Variants in IP6K3 observed in about 807,000 individuals in gnomAD.
IP6K3 encodes the protein inositol hexakisphosphate kinase 3.
IP6K3 carries 20 observed loss-of-function variants against 28.8 expected under a neutral mutation model. The ratio of observed to expected loss-of-function variants is 0.70; its 90% CI spans 0.49 to 1.01. The LOEUF (loss-of-function observed/expected upper bound fraction) is 1.01. IP6K3 is among the 50% of genes least tolerant of loss of function. The probability of loss-of-function intolerance (pLI) is 0.00; values close to 1 mark genes in which losing one functional copy is unlikely to be tolerated. For missense variants in IP6K3, 480 were observed against 537.1 expected, an observed-to-expected ratio of 0.89 and a Z score of 1.05; for synonymous variants, 213 against 221.3, an observed-to-expected ratio of 0.96 and a Z score of 0.33.
In IP6K3 at chr6:33,723,174, T is replaced by A; in HGVS notation, c.779A>T (p.Asp260Val). The change falls in exon 6 of 6, where the codon GAT becomes GTT. Residue 260 changes from aspartate (D) to valine (V), a missense_variant. Asp to Val is a radical substitution (Grantham distance 152). Coordinates refer to ENST00000293756, the MANE Select transcript of IP6K3 (RefSeq NM_054111.5). Reference protein sequence around the residue: ...RICGMQVYQTDKKYFLCKDKY... With the variant: ...RICGMQVYQTVKKYFLCKDKY... ...GTCTTTGCAGAGAAAGTACTTCTTA[T>A]CTGTTTGATAAACCTTACATTAAAA... The A allele has an allele frequency of 3.8e-6, 6 of 1,573,746 alleles. No individual in the cohort carries two copies. The highest frequency in any genetic ancestry group is 5.2e-6 in the Non-Finnish European group (6 of 1,160,656).
upstream of IP6K3, among the ~76,000 whole-genome samples, chr6:33,748,162 A>G (rs9469582): frequency 0.11 from 16,619 of 151,790 alleles, 1,185 homozygotes; most frequent in African/African-American, 0.2. Context: ...TGCTTGCTCC[A>G]CTCGGGCCCA....
upstream of IP6K3, among the ~76,000 whole-genome samples, chr6:33,749,736 C>T (rs190980189): frequency 2.1e-3 from 313 of 151,728 alleles, 1 homozygote; most frequent in African/African-American, 6.6e-3. Context: ...GGGGGAGGGC[C>T]GGCCCTGCCC....
chr6:33,745,100 C>T (rs895263653), intron 1 of IP6K3, among the ~76,000 whole-genome samples: 22 of 152,270 alleles, frequency 1.4e-4, no homozygotes, highest in African/African-American at 4.3e-4. Flanking sequence ...CGGGCCAGCA[C>T]GCGCTGCCAC....
chr6:33,754,040 A>C, the IP6K3 span, among the ~76,000 whole-genome samples: 16 of 151,712 alleles, frequency 1.1e-4, no homozygotes, highest in African/African-American at 3.6e-4. Flanking sequence ...TGATCTCCTG[A>C]CCTCGTGATC....
chr6:33,722,879 A>G lies in IP6K3; in HGVS notation c.1074T>C (p.Gly358=). ...TGCGGATGTCAACCTTGGTGAGACC[A>G]CCGGGAGAGCTACCGTGGGCTGCCT... ...APQAAHGSSP[G]GLTKVDIRMI... Residue 358 remains glycine, a synonymous_variant, in exon 6 of 6, where the codon GGT becomes GGC. Transcript: ENST00000293756. 1.2e-6 allele frequency: 2 copies of G among 1,614,194 alleles called. No homozygotes were observed. Among genetic ancestry groups the G allele is most frequent in the Non-Finnish European group, 1.7e-6 (2 of 1,180,036 alleles).
At chr6:33,747,821 G>A (rs1373685242), upstream of IP6K3, among the ~76,000 whole-genome samples, 1 of 152,118 alleles carries the variant, frequency 6.6e-6, no homozygotes, top group African/African-American at 2.4e-5. The surrounding 1 kb of genome is among the most constrained non-coding windows in gnomAD (Gnocchi z 5.2). Flanking sequence ...TCAGGCTTGT[G>A]TTTAAAACTC....
At chr6:33,745,819 C>T (rs1766886562) in intron 1 of IP6K3, among the ~76,000 whole-genome samples, 1 of 152,140 alleles carries the variant, frequency 6.6e-6, no homozygotes, top group South Asian at 2.1e-4. Context: ...TGTCAGAACA[C>T]TCTAGCTGTA....
At chr6:33,749,007 G>A (rs34139049), upstream of IP6K3, among the ~76,000 whole-genome samples, 18,547 of 152,112 alleles carry the variant, frequency 0.12, 1,507 homozygotes, top group Middle Eastern at 0.21. Context: ...CCTGGCCCTG[G>A]AAGAGGGTAT....
At chr6:33,732,351 A>G (rs1766351263) in intron 2 of IP6K3, among the ~76,000 whole-genome samples, 1 of 152,230 alleles carries the variant, frequency 6.6e-6, no homozygotes, top group Non-Finnish European at 1.5e-5. Flanking sequence ...TGGCCACTTC[A>G]GAAATGGCCC....
chr6:33,756,779 G>A, the IP6K3 span, among the ~76,000 whole-genome samples: 1 of 152,126 alleles, frequency 6.6e-6, no homozygotes, highest in Non-Finnish European at 1.5e-5. Context: ...AGTCCTAGGG[G>A]CTGTAAGTCA....
chr6:33,722,404 A>C lies in IP6K3; in HGVS notation c.*316T>G, dbSNP rs1765933440. 4.7e-6 allele frequency: 1 copy of C among 213,270 alleles called. No homozygotes were observed. The highest frequency in any genetic ancestry group is 9.4e-6 in the Non-Finnish European group (1 of 106,214). 13.2% of individuals were successfully genotyped at this position (213,270 alleles called of 1,614,324 possible). A position where few individuals can be genotyped will look rare whatever the true frequency, so the allele number is the denominator to read the frequency against. On this transcript the variant is annotated 3_prime_UTR_variant, in exon 6 of 6. Transcript: ENST00000293756. ...CAACGAGTAAACATTTTTAGATGCA[A>C]ATATTCCAGAATGTCAGCAATGCTG... is the stretch of plus-strand genomic sequence containing the variant.
chr6:33,722,933 T>C lies in IP6K3; in HGVS notation c.1020A>G (p.Pro340=), dbSNP rs2127345680. ...GAGCCTCGTGAGGATGCGGGCTGCC[T>C]GGGGCTCTTTCTGGTGGTTCCTGCC... ...YDGQEPPERA[P]GSPHPHEAPQ... is the part of the protein sequence containing the mutation. Residue 340 remains proline, a synonymous_variant, in exon 6 of 6, where the codon CCA becomes CCG. Transcript: ENST00000293756. The C allele has an allele frequency of 6.2e-7, 1 of 1,613,874 alleles. No individual in the cohort carries two copies. The highest frequency in any genetic ancestry group is 2.2e-5 in the East Asian group (1 of 44,850).
intron 1 of IP6K3, among the ~76,000 whole-genome samples, chr6:33,740,930 G>A (rs989047583): frequency 1.3e-5 from 2 of 152,170 alleles, no homozygotes; most frequent in African/African-American, 2.4e-5. Flanking sequence ...TCTTATATCC[G>A]CAAACAGACT....
chr6:33,749,878 C>T (rs1350230535), upstream of IP6K3, among the ~76,000 whole-genome samples: 2 of 152,094 alleles, frequency 1.3e-5, no homozygotes, highest in Non-Finnish European at 2.9e-5. Flanking sequence ...GAAATCAGTC[C>T]TGACCAGCGT....
chr6:33,741,539 G>A (rs791904), intron 1 of IP6K3, among the ~76,000 whole-genome samples: 28,950 of 151,520 alleles, frequency 0.19, 3,066 homozygotes, highest in African/African-American at 0.26. Context: ...CCAGCTACTC[G>A]GGAGGCTGAG....
rs7757962 is a variant in IP6K3 at position 33,723,765 on chromosome 6, G to A, written c.766-578C>T. 2.1e-3 allele frequency among the ~76,000 whole-genome samples: 327 copies of A among 152,370 alleles called. 1 individual carries two copies. The highest frequency in any genetic ancestry group is 7.3e-3 in the African/African-American group (305 of 41,590). On this transcript the variant is annotated intron_variant, in intron 5 of 5. Coordinates refer to ENST00000293756, the MANE Select transcript of IP6K3 (RefSeq NM_054111.5). ...TGTGGACAGGGTTTCTAGGCAGCCA[G>A]TGCAGTTGAGGGGAGCCTGGTGGAG...
chr6:33,754,805 C>T, the IP6K3 span, among the ~76,000 whole-genome samples: 6 of 152,332 alleles, frequency 3.9e-5, no homozygotes, highest in Middle Eastern at 3.4e-3. Context: ...CAGATCACAA[C>T]GTCTGTAACG....
At chr6:33,745,966 G>A (rs868400903) in intron 1 of IP6K3, among the ~76,000 whole-genome samples, 4 of 152,110 alleles carry the variant, frequency 2.6e-5, no homozygotes. Context: ...AAAATAAATG[G>A]GTAGCTTTTT....
At chr6:33,755,073 T>G in the IP6K3 span, among the ~76,000 whole-genome samples, 2 of 152,198 alleles carry the variant, frequency 1.3e-5, no homozygotes, top group Non-Finnish European at 2.9e-5. Context: ...TAGTGAGACC[T>G]GGCCACAGGG....
Sources: gnomAD v4.1 joint callset for allele counts (sites outside exome capture counted in the v4.1 genomes callset) on GRCh38, gnomAD v4.1.1 for gene constraint, Gnocchi (gnomAD v3.1) non-coding constraint, MANE v1.5 for transcripts, NCBI Gene and HGNC (gene_info 2026-07-23, HGNC 2026-07-21) for gene names.